Variants in SLC4A5 observed in about 807,000 individuals in gnomAD.
SLC4A5 encodes the protein electrogenic sodium bicarbonate cotransporter 4.
In SLC4A5, 96 loss-of-function variants were observed where a neutral mutation model predicts 120.4. The observed-to-expected ratio is 0.80, with a 90% CI of 0.68 to 0.94. SLC4A5 has a LOEUF of 0.94. SLC4A5 is among the 40% of genes least tolerant of loss of function. The pLI is 0.00. For missense variants in SLC4A5, 1,259 were observed against 1,459.5 expected (o/e 0.86, Z 2.24); for synonymous variants, 550 against 571.1 (o/e 0.96, Z 0.53).
At chr2:74,296,479 T>G (rs1251513133) in intron 7 of SLC4A5, among the ~76,000 whole-genome samples, 1 of 151,930 alleles carries the variant, frequency 6.6e-6, no homozygotes, top group Non-Finnish European at 1.5e-5. Context: ...AAGCCAATTG[T>G]CGGCCAGGCA....
chr2:74,231,412 T>C, intron 24 of SLC4A5, 104 bp from the exon 25 acceptor site: 1 of 1,052,456 alleles, frequency 9.5e-7, no homozygotes, highest in Non-Finnish European at 1.4e-6. Context: ...TCCAAGGCCA[T>C]GGCCTTGAGG....
intron 17 of SLC4A5, 26 bp from the exon 18 acceptor site, chr2:74,248,512 C>G (rs1670690596): frequency 6.2e-7 from 1 of 1,612,752 alleles, no homozygotes; most frequent in African/African-American, 1.3e-5. Flanking sequence ...ATGTGTGGTT[C>G]AGCATAGGAA....
intron 19 of SLC4A5, among the ~76,000 whole-genome samples, chr2:74,244,004 G>A (rs1573019233): frequency 6.6e-6 from 1 of 152,256 alleles, no homozygotes; most frequent in East Asian, 1.9e-4. Context: ...AAGAGTGAGA[G>A]TATACTATAG....
intron 5 of SLC4A5, among the ~76,000 whole-genome samples, chr2:74,323,824 A>C (rs555380151): frequency 2.6e-5 from 4 of 152,242 alleles, no homozygotes; most frequent in Admixed American, 1.3e-4. Flanking sequence ...CTGTGGTTGT[A>C]AGATAGTTAA....
chr2:74,264,021 T>G (rs1203750328), intron 10 of SLC4A5, 126 bp downstream of exon 10: 4 of 1,273,968 alleles, frequency 3.1e-6, no homozygotes, highest in Non-Finnish European at 4.2e-6. Flanking sequence ...AGAAGGAGGC[T>G]GAGGGATCCC....
intron 7 of SLC4A5, among the ~76,000 whole-genome samples, chr2:74,291,528 C>T (rs1184041667): frequency 6.6e-6 from 1 of 152,216 alleles, no homozygotes; most frequent in Non-Finnish European, 1.5e-5. Flanking sequence ...GTTAGCAGAG[C>T]CTGGGGGAGA....
At chr2:74,265,017 C>T (rs1671258833) in intron 9 of SLC4A5, 87 bp downstream of exon 9, 3 of 1,448,330 alleles carry the variant, frequency 2.1e-6, no homozygotes, top group Non-Finnish European at 9.3e-7. Context: ...GGCCGTCACA[C>T]AGACTTGAGG....
chr2:74,302,882 G>A (rs1672514909), intron 7 of SLC4A5, among the ~76,000 whole-genome samples: 1 of 152,154 alleles, frequency 6.6e-6, no homozygotes, highest in African/African-American at 2.4e-5. Flanking sequence ...TAGGAGAGGT[G>A]GTGAGGTGAC....
intron 8 of SLC4A5, among the ~76,000 whole-genome samples, chr2:74,276,407 C>T (rs1671640853): frequency 6.6e-6 from 1 of 152,222 alleles, no homozygotes; most frequent in South Asian, 2.1e-4. Context: ...AAAACAACCT[C>T]TCCAAAGCTC....
exon 31 of SLC4A5, chr2:74,216,669 CA>C (rs1326137568): frequency 6.6e-6 from 1 of 152,132 alleles, no homozygotes; most frequent in East Asian, 1.9e-4. Context: ...AGTGCAGTGG[CA>C]TGATTATAGC....
chr2:74,337,137 G>A (rs902083322), intron 3 of SLC4A5, among the ~76,000 whole-genome samples: 6 of 152,128 alleles, frequency 3.9e-5, no homozygotes, highest in Admixed American at 2.0e-4. Context: ...CCCAATCCCC[G>A]CTCCCTGGAC....
At chr2:74,261,729 C>T (rs996409062) in intron 11 of SLC4A5, among the ~76,000 whole-genome samples, 1 of 152,160 alleles carries the variant, frequency 6.6e-6, no homozygotes, top group African/African-American at 2.4e-5. Flanking sequence ...ATGAGACTGC[C>T]ACCCAGTGAT....
chr2:74,220,173 T>C (rs374837761), intron 30 of SLC4A5, among the ~76,000 whole-genome samples: 1 of 152,218 alleles, frequency 6.6e-6, no homozygotes, highest in Non-Finnish European at 1.5e-5. Context: ...CTTTCTTGCC[T>C]CTAAATTCAT....
chr2:74,326,761 G>T (rs1673226015), intron 5 of SLC4A5, among the ~76,000 whole-genome samples: 1 of 152,188 alleles, frequency 6.6e-6, no homozygotes, highest in Non-Finnish European at 1.5e-5. Context: ...AGAGGTTGCA[G>T]TGAGCTGAGA....
chr2:74,290,879 C>T (rs190742038), intron 7 of SLC4A5, among the ~76,000 whole-genome samples: 35 of 152,200 alleles, frequency 2.3e-4, no homozygotes, highest in Non-Finnish European at 2.9e-4. Context: ...AGCCCAGGAT[C>T]CTCTCTGCAG....
rs114465069 is a variant in SLC4A5, at chr2:74,271,825, T to A, written c.402-6561A>T. Among the ~76,000 whole-genome samples the A allele has an allele frequency of 3.4e-3, 523 of 152,104 alleles. 5 individuals are homozygous for A. Among genetic ancestry groups the A allele is most frequent in the African/African-American group, 0.012 (502 of 41,488 alleles). On this transcript the variant is annotated intron_variant, in intron 8 of 30. Transcript: ENST00000394019. ...TTTAAAAATACTCAGAAGCCGGGCATGGTGGCTCACACTTGTAATCCCAGC... is the reference window on the plus strand; with the variant it reads ...TTTAAAAATACTCAGAAGCCGGGCAAGGTGGCTCACACTTGTAATCCCAGC...
chr2:74,313,805 C>T (rs189797167), intron 6 of SLC4A5, among the ~76,000 whole-genome samples: 2 of 152,268 alleles, frequency 1.3e-5, no homozygotes, highest in East Asian at 3.9e-4. Flanking sequence ...TTGGGTCTTC[C>T]AACAGCAAGT....
At chr2:74,278,525 C>T (rs1671714300) in intron 8 of SLC4A5, among the ~76,000 whole-genome samples, 1 of 152,108 alleles carries the variant, frequency 6.6e-6, no homozygotes, top group East Asian at 1.9e-4. Flanking sequence ...CTAGCATAGC[C>T]CTCATTCTGT....
intron 8 of SLC4A5, among the ~76,000 whole-genome samples, chr2:74,273,928 C>T (rs984264437): frequency 1.3e-5 from 2 of 152,184 alleles, no homozygotes; most frequent in African/African-American, 2.4e-5. Context: ...CTTTGGGAGG[C>T]CAAGGCAGGC....
Sources: gnomAD v4.1 joint callset for allele counts (sites outside exome capture counted in the v4.1 genomes callset) on GRCh38, gnomAD v4.1.1 for gene constraint, MANE v1.5 for transcripts, NCBI Gene and HGNC (gene_info 2026-07-23, HGNC 2026-07-21) for gene names.